The following CDK9 variants were observed in gnomAD, a reference collection of about 807,000 sequenced individuals.
The protein encoded by CDK9 is cyclin-dependent kinase 9.
CDK9 carries 34 observed loss-of-function variants against 39.0 expected under a neutral mutation model. The observed-to-expected ratio is 0.87, with a 90% CI of 0.66 to 1.16. The LOEUF is 1.16. Among genes scored for constraint, CDK9 ranks in the 50% most tolerant of loss-of-function variants. The pLI, the probability that CDK9 is intolerant of heterozygous loss-of-function variation, is 0.00. For synonymous variants in CDK9, 233 were observed against 196.2 expected (o/e 1.19, Z -1.57); for missense variants, 369 against 503.2 (o/e 0.73, Z 2.55).
In CDK9 at chr9:127,787,504, T is replaced by G; in HGVS notation, c.175-14T>G. On this transcript the variant is annotated splice_polypyrimidine_tract_variant and intron_variant, in intron 2 of 6. Coordinates refer to ENST00000373264, the MANE Select transcript of CDK9 (RefSeq NM_001261.4). ...GCGCTCACTCTTGACCACTTTCCCC[T>G]CTTTCTCACCCAGTTCCCCATTACA... 1 of 1,599,938 alleles carries G rather than the reference T, an allele frequency of 6.3e-7. No homozygotes were observed. The highest frequency in any genetic ancestry group is 1.3e-5 in the African/African-American group (1 of 74,726).
Position 127,789,633 on chromosome 9 carries a change from C to T in CDK9, c.*90C>T, listed in dbSNP as rs568509308. ...AGACAGGGCATTTGAGTTTATATCT[C>T]TCATGCATATTTTATTTAATCCCCA... On this transcript the variant is annotated 3_prime_UTR_variant, in exon 7 of 7. Coordinates refer to ENST00000373264, the MANE Select transcript of CDK9 (RefSeq NM_001261.4). The surrounding 1 kb of genome is among the most constrained non-coding windows in gnomAD (Gnocchi z 5.2). 4.0e-6 allele frequency: 6 copies of T among 1,483,980 alleles called. No homozygotes were observed. The highest frequency in any genetic ancestry group is 2.3e-5 in the East Asian group (1 of 43,358). 91.9% of individuals were successfully genotyped at this position (1,483,980 alleles called of 1,614,324 possible). A position where few individuals can be genotyped will look rare whatever the true frequency, so the allele number is the denominator to read the frequency against.
At position 127,786,862 on chromosome 9, in the gene CDK9, G is replaced by A. The variant is rs564175592; in HGVS notation, c.174+80G>A. 161 of 1,134,124 alleles carry A rather than the reference G, an allele frequency of 1.4e-4. 1 individual carries two copies. In the African/African-American group the frequency reaches 2.0e-3, roughly 14 times the overall value. The allele number at this position is 1,134,124 out of a possible 1,614,324, so 70.3% of individuals were successfully genotyped here. On this transcript the variant is annotated intron_variant, in intron 2 of 6. Transcript: ENST00000373264. ...CGGTTTTCCACCCTGCTGCTTCTGG[G>A]AGTCTCAGGTTGAGATTTAATTTTT...
rs770932885 is a variant in CDK9 at position 127,789,179 on chromosome 9, T to C, written c.755T>C (p.Val252Ala). Residue 252 changes from valine to alanine, a missense_variant and splice_region_variant, in exon 7 of 7, where the codon GTG becomes GCG. Val to Ala is a moderately conservative substitution (Grantham distance 64). Transcript: ENST00000373264. This position sits in a 1 kb window ranked among gnomAD's most constrained non-coding sequence, Gnocchi z 5.2. ...CTCTCAACGCCCCCTCCCTCCCAGGTGTGGCCAAACGTGGACAACTATGAG... is the reference window on the plus strand; with the variant it reads ...CTCTCAACGCCCCCTCCCTCCCAGGCGTGGCCAAACGTGGACAACTATGAG... ...SQLCGSITPE[V>A]WPNVDNYELY... The C allele has an allele frequency of 1.3e-6, 2 of 1,566,622 alleles. No individual in the cohort carries two copies. The highest frequency in any genetic ancestry group is 4.5e-5 in the East Asian group (2 of 44,176).
In CDK9 at chr9:127,788,587, G is replaced by T. The variant is rs991873132; in HGVS notation, c.648G>T (p.Gly216=). 7 of 1,589,370 alleles carry T rather than the reference G, an allele frequency of 4.4e-6. No homozygotes were observed. The highest frequency in any genetic ancestry group is 6.0e-6 in the Non-Finnish European group (7 of 1,168,544). The change falls in exon 6 of 7, where the codon GGG becomes GGT. Residue 216 remains glycine (G), a synonymous_variant. Coordinates refer to ENST00000373264, the MANE Select transcript of CDK9 (RefSeq NM_001261.4). ...CCCCCATTGACCTGTGGGGTGCTGGGTGCATCATGGCAGAGATGTGGACCC... is the reference window on the plus strand; with the variant it reads ...CCCCCATTGACCTGTGGGGTGCTGGTTGCATCATGGCAGAGATGTGGACCC... ...YGPPIDLWGA[G]CIMAEMWTRS... is the part of the protein sequence containing the mutation.
intron 3 of CDK9, 22 bp downstream of exon 3, chr9:127,787,630 A>T (rs1323464709): frequency 2.0e-6 from 3 of 1,527,406 alleles, no homozygotes; most frequent in South Asian, 1.1e-5. Flanking sequence ...GGTTCTTACG[A>T]GAAGATGACA....
At chr9:127,788,420 G>C (rs781314206) in intron 5 of CDK9, 35 bp downstream of exon 5, 1 of 1,593,628 alleles carries the variant, frequency 6.3e-7, no homozygotes, top group South Asian at 1.1e-5. Context: ...GGGGGTGAGG[G>C]CCAGGCATCT....
intron 5 of CDK9, 38 bp downstream of exon 5, chr9:127,788,423 A>C: frequency 6.3e-7 from 1 of 1,590,932 alleles, no homozygotes; most frequent in Non-Finnish European, 8.6e-7. Context: ...GGTGAGGGCC[A>C]GGCATCTACC....
chr9:127,789,048 A>G lies in CDK9; in HGVS notation c.754-130A>G. On this transcript the variant is annotated intron_variant, in intron 6 of 6. Coordinates refer to ENST00000373264, the MANE Select transcript of CDK9 (RefSeq NM_001261.4). The surrounding 1 kb of genome is among the most constrained non-coding windows in gnomAD (Gnocchi z 5.2). ...ATCCATAGCGGGCACTGCTTCTGGG[A>G]GGGGTCGAGTAGCAGTCTGGGAGCC... The G allele has an allele frequency of 1.7e-6, 2 of 1,203,698 alleles. No individual in the cohort carries two copies. The highest frequency in any genetic ancestry group is 2.3e-6 in the Non-Finnish European group (2 of 873,010). 74.6% of individuals were successfully genotyped at this position (1,203,698 alleles called of 1,614,324 possible).
At position 127,790,091 on chromosome 9, in the gene CDK9, T is replaced by C. The variant is rs933856049; in HGVS notation, c.*548T>C. The C allele has an allele frequency of 6.5e-6, 1 of 152,918 alleles. No homozygotes were observed. Among genetic ancestry groups the C allele is most frequent in the Non-Finnish European group, 1.5e-5 (1 of 68,546 alleles). 9.5% of individuals were successfully genotyped at this position (152,918 alleles called of 1,614,324 possible). The stretch of plus-strand genomic sequence containing the variant: ...TTGAATTTTTTTTTTTTTTAAATTT[T>C]TTTTTTTCCTCCAGGACTTGTGTGT... On this transcript the variant is annotated 3_prime_UTR_variant, in exon 7 of 7. Coordinates refer to ENST00000373264, the MANE Select transcript of CDK9 (RefSeq NM_001261.4).
Position 127,788,213 on chromosome 9 carries a change from G to A in CDK9, c.433-1G>A. 6.2e-7 allele frequency: 1 copy of A among 1,613,976 alleles called. No homozygotes were observed. The highest frequency in any genetic ancestry group is 8.5e-7 in the Non-Finnish European group (1 of 1,179,982). On this transcript the variant is annotated splice_acceptor_variant, in intron 4 of 6. Coordinates refer to ENST00000373264, the MANE Select transcript of CDK9 (RefSeq NM_001261.4). LOFTEE classifies it high-confidence loss of function. ...AGGACCCACTCTTGCCCTTCCTGCA[G>A]ATCCTGCATAGGGACATGAAGGCTG...
chr9:127,786,076 G>C lies in CDK9; in HGVS notation c.-73G>C. ...GCGGCCGCGGAGGGGCCTGGAGTGCGGCGGCGGCGGGACCCGGAGCAGGAG... is the reference window on the plus strand; with the variant it reads ...GCGGCCGCGGAGGGGCCTGGAGTGCCGCGGCGGCGGGACCCGGAGCAGGAG... On this transcript the variant is annotated 5_prime_UTR_variant, in exon 1 of 7. Coordinates refer to ENST00000373264, the MANE Select transcript of CDK9 (RefSeq NM_001261.4). 3.7e-6 allele frequency: 4 copies of C among 1,070,358 alleles called. No homozygotes were observed. The highest frequency in any genetic ancestry group is 5.3e-6 in the Non-Finnish European group (4 of 751,972). 66.3% of individuals were successfully genotyped at this position (1,070,358 alleles called of 1,614,324 possible).
rs771229305 is a variant in CDK9, at chr9:127,786,082, G to T, written c.-67G>T. The T allele has an allele frequency of 2.5e-5, 32 of 1,255,924 alleles. No homozygotes were observed. Among genetic ancestry groups the T allele is most frequent in the Non-Finnish European group, 3.6e-5 (32 of 900,254 alleles). 77.8% of individuals were successfully genotyped at this position (1,255,924 alleles called of 1,614,324 possible). On this transcript the variant is annotated 5_prime_UTR_variant, in exon 1 of 7. Coordinates refer to ENST00000373264, the MANE Select transcript of CDK9 (RefSeq NM_001261.4). ...GCGGAGGGGCCTGGAGTGCGGCGGC[G>T]GCGGGACCCGGAGCAGGAGCGGCGG...
Position 127,787,926 on chromosome 9 carries a change from TTC to T in CDK9, c.266-19_266-18del. ...TGGGTGTGGTTTTCTTGACTTTTTC[TTC>T]TTTCTATTCCTGCCTCAGCTTCCCC... On this transcript the variant is annotated intron_variant, in intron 3 of 6. Coordinates refer to ENST00000373264, the MANE Select transcript of CDK9 (RefSeq NM_001261.4). 6.2e-7 allele frequency: 1 copy of T among 1,612,550 alleles called. No individual in the cohort carries two copies. Among genetic ancestry groups the T allele is most frequent in the Non-Finnish European group, 8.5e-7 (1 of 1,178,786 alleles).
At position 127,786,107 on chromosome 9, in the gene CDK9, G is replaced by C; in HGVS notation, c.-42G>C. The C allele has an allele frequency of 6.7e-7, 1 of 1,487,190 alleles. No homozygotes were observed. The highest frequency in any genetic ancestry group is 9.2e-7 in the Non-Finnish European group (1 of 1,082,044). 92.1% of individuals were successfully genotyped at this position (1,487,190 alleles called of 1,614,324 possible). A position where few individuals can be genotyped will look rare whatever the true frequency, so the allele number is the denominator to read the frequency against. On this transcript the variant is annotated 5_prime_UTR_variant, in exon 1 of 7. Transcript: ENST00000373264. Reference sequence around the variant, plus strand: ...GGCGGGACCCGGAGCAGGAGCGGCGGCAGCAGCGACTGGGGGCGGCGGCGG... The same window carrying C: ...GGCGGGACCCGGAGCAGGAGCGGCGCCAGCAGCGACTGGGGGCGGCGGCGG...
chr9:127,787,696 C>G, intron 3 of CDK9, 88 bp downstream of exon 3: 1 of 1,031,742 alleles, frequency 9.7e-7, no homozygotes, highest in Non-Finnish European at 1.5e-6. Flanking sequence ...TAAACTGCCT[C>G]TTCTTAACTC....
chr9:127,786,866 C>G lies in CDK9; in HGVS notation c.174+84C>G. ...TTTCCACCCTGCTGCTTCTGGGAGT[C>G]TCAGGTTGAGATTTAATTTTTTTGT... On this transcript the variant is annotated intron_variant, in intron 2 of 6. Transcript: ENST00000373264. 4 of 1,084,150 alleles carry G rather than the reference C, an allele frequency of 3.7e-6. No homozygotes were observed. The South Asian group carries it at 4.1e-5, about 11-fold the overall frequency. 67.2% of individuals were successfully genotyped at this position (1,084,150 alleles called of 1,614,324 possible).
chr9:127,789,909 C>G lies in CDK9; in HGVS notation c.*366C>G, dbSNP rs556880977. On this transcript the variant is annotated 3_prime_UTR_variant, in exon 7 of 7. Coordinates refer to ENST00000373264, the MANE Select transcript of CDK9 (RefSeq NM_001261.4). This position sits in a 1 kb window ranked among gnomAD's most constrained non-coding sequence, Gnocchi z 5.2. ...CTGAGAACCCTGCGTGGGGACAGGGCTCGCCTCAGGAATGGGCTGTTTTTG... is the reference window on the plus strand; with the variant it reads ...CTGAGAACCCTGCGTGGGGACAGGGGTCGCCTCAGGAATGGGCTGTTTTTG... The G allele has an allele frequency of 4.2e-6, 1 of 237,520 alleles. No homozygotes were observed. Among genetic ancestry groups the G allele is most frequent in the Non-Finnish European group, 8.3e-6 (1 of 120,886 alleles). The allele number at this position is 237,520 out of a possible 1,614,324, so 14.7% of individuals were successfully genotyped here.
At position 127,789,162 on chromosome 9, in the gene CDK9, GC is replaced by G. The variant is rs1829384925; in HGVS notation, c.754-11del. 1.3e-6 allele frequency: 2 copies of G among 1,546,718 alleles called. No individual in the cohort carries two copies. Among genetic ancestry groups the G allele is most frequent in the Admixed American group, 3.9e-5 (2 of 51,706 alleles). ...TGACCGGACTCCATATTCTCTCAACGCCCCCTCCCTCCCAGGTGTGGCCAAA... is the reference window on the plus strand; with the variant it reads ...TGACCGGACTCCATATTCTCTCAACGCCCCTCCCTCCCAGGTGTGGCCAAA... On this transcript the variant is annotated splice_polypyrimidine_tract_variant and intron_variant, in intron 6 of 6. Coordinates refer to ENST00000373264, the MANE Select transcript of CDK9 (RefSeq NM_001261.4). This position sits in a 1 kb window ranked among gnomAD's most constrained non-coding sequence, Gnocchi z 5.2.
At chr9:127,788,713 C>T (rs778441641) in intron 6 of CDK9, 21 bp downstream of exon 6, 38 of 1,568,650 alleles carry the variant, frequency 2.4e-5, no homozygotes, top group Admixed American at 1.1e-4. Flanking sequence ...CCGGTCCCCA[C>T]GGGGTGCAGA....
Sources: gnomAD v4.1 joint callset for allele counts on GRCh38, gnomAD v4.1.1 for gene constraint, Gnocchi (gnomAD v3.1) non-coding constraint, MANE v1.5 for transcripts, NCBI Gene and HGNC (gene_info 2026-07-23, HGNC 2026-07-21) for gene names.